Variants in CSMD1 observed in about 807,000 individuals in gnomAD.
CSMD1 encodes CUB and Sushi multiple domains 1.
Under a neutral mutation model 417.5 loss-of-function variants are expected in CSMD1, and 213 were observed. That is an observed-to-expected ratio of 0.51 (90% CI 0.46 to 0.57). The LOEUF is 0.57. Ranked by LOEUF, CSMD1 falls within the 20% of genes least tolerant of loss-of-function variation. The probability of loss-of-function intolerance (pLI) is 0.00; values close to 1 mark genes in which losing one functional copy is unlikely to be tolerated. For missense variants in CSMD1, 6,923 were observed against 4,529.7 expected (o/e 1.53, Z -15.17); for synonymous variants, 2,862 against 1,736.8 (o/e 1.65, Z -16.11).
chr8:4,701,128 A>G lies in CSMD1; in HGVS notation c.86-63570T>C, dbSNP rs539511918. On this transcript the variant is annotated intron_variant, in intron 1 of 69. Coordinates refer to ENST00000635120, the MANE Select transcript of CSMD1 (RefSeq NM_033225.6). Reference sequence around the variant, plus strand: ...AAGGTGAATGTTGCAACTCCTTCAAAAATTCGTTTTTTACACAAAGCTGTG... The same window carrying G: ...AAGGTGAATGTTGCAACTCCTTCAAGAATTCGTTTTTTACACAAAGCTGTG... Among the ~76,000 whole-genome samples the G allele has an allele frequency of 4.6e-5, 7 of 152,054 alleles. No homozygotes were observed. In the South Asian group the frequency reaches 1.5e-3, roughly 32 times the overall value.
intron 3 of CSMD1, among the ~76,000 whole-genome samples, chr8:4,262,443 C>G (rs1474351297): frequency 6.6e-6 from 1 of 152,146 alleles, no homozygotes; most frequent in Non-Finnish European, 1.5e-5. Context: ...TTTCATGTTC[C>G]CCGCGCAGTG....
intron 25 of CSMD1, among the ~76,000 whole-genome samples, chr8:3,296,587 C>T (rs1479450779): frequency 6.6e-6 from 1 of 152,160 alleles, no homozygotes; most frequent in Non-Finnish European, 1.5e-5. Context: ...GAAAATGACA[C>T]TCTGTCAACG....
intron 2 of CSMD1, among the ~76,000 whole-genome samples, chr8:4,582,594 G>A (rs1033415752): frequency 2.0e-5 from 3 of 152,190 alleles, no homozygotes; most frequent in Non-Finnish European, 4.4e-5. Flanking sequence ...GAAGGTCACT[G>A]AAGGGCTACA....
In CSMD1 at chr8:2,963,328, G is replaced by A; in HGVS notation, c.9348C>T (p.Gly3116=). The A allele has an allele frequency of 1.2e-6, 2 of 1,613,912 alleles. No individual in the cohort carries two copies. The highest frequency in any genetic ancestry group is 1.7e-6 in the Non-Finnish European group (2 of 1,179,856). The part of the protein sequence containing the change: ...GTVEGSDFRW[G]SSISYSCMDG... The stretch of plus-strand genomic sequence containing the variant: ...CCATGCAGCTGTAACTTATGCTGGA[G>A]CCCCAGCGGAAATCACTTCCCTCCA... The change falls in exon 60 of 70, where the codon GGC becomes GGT. Residue 3116 remains glycine (G), a synonymous_variant. Coordinates refer to ENST00000635120, the MANE Select transcript of CSMD1 (RefSeq NM_033225.6).
intron 2 of CSMD1, among the ~76,000 whole-genome samples, chr8:4,554,498 T>C (rs1253562280): frequency 6.6e-6 from 1 of 152,162 alleles, no homozygotes; most frequent in Non-Finnish European, 1.5e-5. Context: ...TGGAACAAAT[T>C]TCCTGTTTAA....
intron 5 of CSMD1, among the ~76,000 whole-genome samples, chr8:3,961,419 C>T (rs1165797325): frequency 6.6e-6 from 1 of 152,124 alleles, no homozygotes; most frequent in East Asian, 1.9e-4. Flanking sequence ...TCCCCAAGTG[C>T]CAAATATTCC....
intron 1 of CSMD1, among the ~76,000 whole-genome samples, chr8:4,747,467 G>C (rs746660581): frequency 6.6e-6 from 1 of 152,122 alleles, no homozygotes; most frequent in Admixed American, 6.5e-5. Flanking sequence ...AAGCAGGAAA[G>C]AGAAGAGAAA....
At chr8:3,304,514 T>G (rs1804662277) in intron 25 of CSMD1, among the ~76,000 whole-genome samples, 1 of 152,118 alleles carries the variant, frequency 6.6e-6, no homozygotes, top group Non-Finnish European at 1.5e-5. Context: ...TGGGATTAAG[T>G]TGATTGTCAA....
chr8:3,793,756 C>A lies in CSMD1; in HGVS notation c.819-39714G>T, dbSNP rs1310131677. On this transcript the variant is annotated intron_variant, in intron 5 of 69. Coordinates refer to ENST00000635120, the MANE Select transcript of CSMD1 (RefSeq NM_033225.6). ...TTATTTTCGTAGGATCTCTCTGGAA[C>A]TGGTAGGAACTTGACGACAGAGACC... Among the ~76,000 whole-genome samples, 3 of 152,136 alleles carry A rather than the reference C, an allele frequency of 2.0e-5. 1 individual carries two copies. The highest frequency in any genetic ancestry group is 4.4e-5 in the Non-Finnish European group (3 of 68,028).
In CSMD1 at chr8:4,351,497, G is replaced by C. The variant is rs189332799; in HGVS notation, c.415+68456C>G. On this transcript the variant is annotated intron_variant, in intron 3 of 69. Transcript: ENST00000635120. ...ATTACTGTGCCAAATTTATAGATTA[G>C]GAAGAAAATTGACAGAACTTAAATT... Among the ~76,000 whole-genome samples, 460 of 152,258 alleles carry C rather than the reference G, an allele frequency of 3.0e-3. 4 individuals are homozygous for C. The highest frequency in any genetic ancestry group is 9.6e-3 in the African/African-American group (398 of 41,554).
At chr8:3,918,419 T>A (rs1167488906) in intron 5 of CSMD1, among the ~76,000 whole-genome samples, 1 of 152,188 alleles carries the variant, frequency 6.6e-6, no homozygotes, top group Non-Finnish European at 1.5e-5. Context: ...TCTTGTGGTT[T>A]TGATTTGCGT....
At chr8:2,966,245 A>G (rs1220579664) in intron 58 of CSMD1, among the ~76,000 whole-genome samples, 1 of 152,182 alleles carries the variant, frequency 6.6e-6, no homozygotes, top group African/African-American at 2.4e-5. Context: ...AGAAAGATGA[A>G]GCCTGCAGCC....
intron 52 of CSMD1, among the ~76,000 whole-genome samples, chr8:3,009,590 G>T (rs1808224020): frequency 6.6e-6 from 1 of 152,162 alleles, no homozygotes; most frequent in Non-Finnish European, 1.5e-5. Context: ...CGGACATATT[G>T]AAGTCTCTTG....
At chr8:3,929,417 C>T (rs1209658789) in intron 5 of CSMD1, among the ~76,000 whole-genome samples, 2 of 150,384 alleles carry the variant, frequency 1.3e-5, no homozygotes, top group Non-Finnish European at 3.0e-5. Context: ...TTTCAACCTT[C>T]CCCACATGAG....
intron 3 of CSMD1, among the ~76,000 whole-genome samples, chr8:4,230,175 T>G (rs1444275490): frequency 6.6e-6 from 1 of 152,180 alleles, no homozygotes; most frequent in Admixed American, 6.5e-5. Context: ...TGAATTGATA[T>G]TCTGAGCCAA....
intron 12 of CSMD1, among the ~76,000 whole-genome samples, chr8:3,457,897 A>T (rs1013958688): frequency 2.0e-5 from 3 of 152,224 alleles, no homozygotes; most frequent in African/African-American, 7.2e-5. Context: ...CACATGAGAA[A>T]TGAGGAAGGC....
chr8:4,771,528 GT>G (rs1796597103), intron 1 of CSMD1, among the ~76,000 whole-genome samples: 1 of 152,212 alleles, frequency 6.6e-6, no homozygotes, highest in African/African-American at 2.4e-5. Context: ...GAAGTTATTA[GT>G]TTGCTGCTAG....
chr8:3,838,230 C>T (rs751087862), intron 5 of CSMD1, among the ~76,000 whole-genome samples: 26 of 152,088 alleles, frequency 1.7e-4, no homozygotes, highest in Middle Eastern at 3.4e-3. Context: ...ATATATAGTA[C>T]AACCTGCAGT....
At chr8:3,188,628 G>A (rs1469972226) in intron 35 of CSMD1, among the ~76,000 whole-genome samples, 6 of 151,436 alleles carry the variant, frequency 4.0e-5, no homozygotes, top group African/African-American at 1.5e-4. Flanking sequence ...TTCTACAAAT[G>A]GTACTTTTGA....
Sources: allele counts gnomAD v4.1 joint callset (sites outside exome capture counted in the v4.1 genomes callset), GRCh38; gene constraint gnomAD v4.1.1; transcripts MANE v1.5; gene names NCBI Gene and HGNC (gene_info 2026-07-23, HGNC 2026-07-21).